The following DKK2 variants were observed in gnomAD, a reference collection of about 807,000 sequenced individuals.
DKK2 encodes the protein dickkopf-related protein 2.
Under a neutral mutation model 28.1 loss-of-function variants are expected in DKK2, and 11 were observed. That is an observed-to-expected ratio of 0.39 (90% CI 0.25 to 0.65). The LOEUF is 0.65. Ranked by LOEUF, DKK2 falls within the 30% of genes least tolerant of loss-of-function variation. The pLI is 0.47. For missense variants in DKK2, 326 were observed against 335.5 expected (o/e 0.97, Z 0.22); for synonymous variants, 135 against 126.5 (o/e 1.07, Z -0.45).
chr4:106,999,510 C>T (rs1205403670), intron 1 of DKK2, among the ~76,000 whole-genome samples: 5 of 152,088 alleles, frequency 3.3e-5, no homozygotes, highest in Admixed American at 6.5e-5. Flanking sequence ...CCATGCCCGG[C>T]TAATTTTTGT....
chr4:106,923,780 C>T lies in DKK2; in HGVS notation c.*174G>A. 1 of 838,928 alleles carries T rather than the reference C, an allele frequency of 1.2e-6. No individual in the cohort carries two copies. 52.0% of individuals were successfully genotyped at this position (838,928 alleles called of 1,614,324 possible). A position where few individuals can be genotyped will look rare whatever the true frequency, so the allele number is the denominator to read the frequency against. ...CACTGGCTGCACTGCATTTGTCACCCATTCTAATCTATTCAGTTCATGTTT... is the reference window on the plus strand; with the variant it reads ...CACTGGCTGCACTGCATTTGTCACCTATTCTAATCTATTCAGTTCATGTTT... On this transcript the variant is annotated 3_prime_UTR_variant, in exon 4 of 4. Coordinates refer to ENST00000285311, the MANE Select transcript of DKK2 (RefSeq NM_014421.3).
At chr4:107,004,036 C>G (rs972850224) in intron 1 of DKK2, among the ~76,000 whole-genome samples, 1 of 151,710 alleles carries the variant, frequency 6.6e-6, no homozygotes, top group Admixed American at 6.6e-5. Flanking sequence ...CACTCATATT[C>G]ATAATACTAT....
intron 1 of DKK2, among the ~76,000 whole-genome samples, chr4:106,991,405 T>G (rs1278042758): frequency 6.6e-6 from 1 of 152,146 alleles, no homozygotes; most frequent in Non-Finnish European, 1.5e-5. Context: ...TCCTTCTCTC[T>G]TTCTTCCCAG....
chr4:106,975,329 C>G (rs535787713), intron 1 of DKK2, among the ~76,000 whole-genome samples: 1 of 152,248 alleles, frequency 6.6e-6, no homozygotes, highest in East Asian at 1.9e-4. Context: ...ACCAGCTCCT[C>G]TTTGTACCTC....
intron 1 of DKK2, among the ~76,000 whole-genome samples, chr4:106,934,182 T>A (rs1230792012): frequency 6.6e-6 from 1 of 151,782 alleles, no homozygotes; most frequent in Non-Finnish European, 1.5e-5. Flanking sequence ...CCAGACAAGA[T>A]CAAGAACAGA....
At chr4:106,976,318 C>T (rs182780028) in intron 1 of DKK2, among the ~76,000 whole-genome samples, 2 of 152,318 alleles carry the variant, frequency 1.3e-5, no homozygotes, top group Non-Finnish European at 2.9e-5. Context: ...ACTCGTCGAT[C>T]TGTCTAATAT....
At chr4:107,006,782 T>C (rs1486735966) in intron 1 of DKK2, among the ~76,000 whole-genome samples, 1 of 152,190 alleles carries the variant, frequency 6.6e-6, no homozygotes, top group Admixed American at 6.5e-5. Context: ...ATTAAGGACA[T>C]GTATAACTGT....
At position 106,923,938 on chromosome 4, in the gene DKK2, T is replaced by A; in HGVS notation, c.*16A>T. The stretch of plus-strand genomic sequence containing the variant: ...CAACTTCACAGTCTGCAATTGATGA[T>A]GTTCCTCAATGGTGATCAAATTTTC... On this transcript the variant is annotated 3_prime_UTR_variant, in exon 4 of 4. Coordinates refer to ENST00000285311, the MANE Select transcript of DKK2 (RefSeq NM_014421.3). 6.2e-7 allele frequency: 1 copy of A among 1,609,580 alleles called. No individual in the cohort carries two copies. The highest frequency in any genetic ancestry group is 8.5e-7 in the Non-Finnish European group (1 of 1,176,082).
intron 1 of DKK2, among the ~76,000 whole-genome samples, chr4:106,952,991 A>G (rs1362079168): frequency 1.3e-5 from 2 of 152,172 alleles, no homozygotes; most frequent in African/African-American, 2.4e-5. Flanking sequence ...CTTTCAATGT[A>G]TTTTTTAGGG....
intron 1 of DKK2, among the ~76,000 whole-genome samples, chr4:107,027,287 T>A (rs1406558198): frequency 2.0e-5 from 3 of 152,182 alleles, no homozygotes; most frequent in Non-Finnish European, 2.9e-5. Flanking sequence ...TCCCTCTGCC[T>A]CTCATTTGGA....
chr4:106,967,086 C>CA (rs1172150663), intron 1 of DKK2, among the ~76,000 whole-genome samples: 1 of 152,114 alleles, frequency 6.6e-6, no homozygotes, highest in Admixed American at 6.6e-5. Context: ...CAAAGTTCTT[C>CA]AATAGATCAA....
intron 1 of DKK2, among the ~76,000 whole-genome samples, chr4:107,026,413 T>C (rs34104802): frequency 0.24 from 36,040 of 152,074 alleles, 4,652 homozygotes; most frequent in East Asian, 0.53. Context: ...ATATACTGTT[T>C]AAAATATTTG....
intron 1 of DKK2, among the ~76,000 whole-genome samples, chr4:106,960,906 A>C (rs903234690): frequency 5.9e-5 from 9 of 152,256 alleles, no homozygotes; most frequent in African/African-American, 1.9e-4. Context: ...TGATTATTTT[A>C]TTCTAATATC....
intron 1 of DKK2, among the ~76,000 whole-genome samples, chr4:107,019,780 TC>T (rs1478885898): frequency 2.6e-5 from 4 of 152,030 alleles, no homozygotes; most frequent in Non-Finnish European, 5.9e-5. Context: ...AGAATATCAC[TC>T]CCTCAATACC....
At chr4:107,001,527 G>A (rs1304224325) in intron 1 of DKK2, among the ~76,000 whole-genome samples, 1 of 152,030 alleles carries the variant, frequency 6.6e-6, no homozygotes, top group Non-Finnish European at 1.5e-5. Context: ...AGAGGCAACA[G>A]AACTAGAATT....
At chr4:106,934,096 T>A (rs961157636) in intron 1 of DKK2, among the ~76,000 whole-genome samples, 1 of 151,718 alleles carries the variant, frequency 6.6e-6, no homozygotes, top group African/African-American at 2.4e-5. Flanking sequence ...CATATGTATG[T>A]ATAAAATTAG....
chr4:106,959,550 C>A (rs913454335), intron 1 of DKK2, among the ~76,000 whole-genome samples: 1 of 151,916 alleles, frequency 6.6e-6, no homozygotes, highest in Admixed American at 6.6e-5. Flanking sequence ...GATCTAGACT[C>A]AAAATTTGTA....
At chr4:106,985,208 CAAAA>C (rs569150141) in intron 1 of DKK2, among the ~76,000 whole-genome samples, 2 of 49,370 alleles carry the variant, frequency 4.1e-5, no homozygotes, top group African/African-American at 6.8e-5. Flanking sequence ...TACTCCATCT[CAAAA>C]AAAAAAAAAA....
chr4:107,007,595 G>T (rs1358031614), intron 1 of DKK2, among the ~76,000 whole-genome samples: 2 of 152,088 alleles, frequency 1.3e-5, no homozygotes, highest in Non-Finnish European at 2.9e-5. Flanking sequence ...ACCCAAAAAT[G>T]CCTGTCCTTG....
Sources: allele counts gnomAD v4.1 joint callset (sites outside exome capture counted in the v4.1 genomes callset), GRCh38; gene constraint gnomAD v4.1.1; transcripts MANE v1.5; gene names NCBI Gene and HGNC (gene_info 2026-07-23, HGNC 2026-07-21).